SLC24A2: variants seen among roughly 807,000 people sequenced by gnomAD.
The protein encoded by SLC24A2 is solute carrier family 24 member 2.
SLC24A2 carries 36 observed loss-of-function variants against 62.0 expected under a neutral mutation model. That is an observed-to-expected ratio of 0.58 (90% confidence interval 0.44 to 0.77). The LOEUF (loss-of-function observed/expected upper bound fraction) is 0.77, where lower values mean the gene tolerates loss of function less well. SLC24A2 is among the 30% of genes least tolerant of loss of function. The probability of loss-of-function intolerance (pLI) is 0.00; values close to 1 mark genes in which losing one functional copy is unlikely to be tolerated. For missense variants in SLC24A2, 846 were observed against 817.9 expected (o/e 1.03, Z -0.42); for synonymous variants, 358 against 294.0 (o/e 1.22, Z -2.23).
chr9:19,668,360 T>G (rs1465712997), intron 2 of SLC24A2, among the ~76,000 whole-genome samples: 1 of 152,168 alleles, frequency 6.6e-6, no homozygotes, highest in Non-Finnish European at 1.5e-5. Context: ...TGGGTGAAAT[T>G]GCACAGCCCA....
the SLC24A2 span, among the ~76,000 whole-genome samples, chr9:19,970,833 C>T: frequency 6.6e-6 from 1 of 152,050 alleles, no homozygotes; most frequent in Non-Finnish European, 1.5e-5. Context: ...TTCAATAACA[C>T]CTTGGCTTGA....
chr9:20,289,297 C>T, the SLC24A2 span, among the ~76,000 whole-genome samples: 6 of 152,220 alleles, frequency 3.9e-5, no homozygotes, highest in African/African-American at 1.4e-4. Context: ...TTGCTTCTTG[C>T]ACTCTTTCAT....
At chr9:19,779,355 G>A (rs1193576514) in intron 2 of SLC24A2, among the ~76,000 whole-genome samples, 1 of 152,114 alleles carries the variant, frequency 6.6e-6, no homozygotes, top group Non-Finnish European at 1.5e-5. Flanking sequence ...CTTAAAAGTA[G>A]TAAAGGAAAA....
intron 8 of SLC24A2, among the ~76,000 whole-genome samples, chr9:19,545,219 A>C (rs535024541): frequency 6.6e-6 from 1 of 151,410 alleles, no homozygotes; most frequent in Non-Finnish European, 1.5e-5. Context: ...TGATTGATTC[A>C]GCTATTTATA....
chr9:20,116,594 G>T, the SLC24A2 span, among the ~76,000 whole-genome samples: 1 of 152,038 alleles, frequency 6.6e-6, no homozygotes, highest in Non-Finnish European at 1.5e-5. Context: ...CAATGCTTCT[G>T]TCTTTCAATT....
chr9:20,142,901 A>C, the SLC24A2 span, among the ~76,000 whole-genome samples: 1 of 152,274 alleles, frequency 6.6e-6, no homozygotes, highest in South Asian at 2.1e-4. Context: ...CGGCCTTTCC[A>C]TGTCTTATAC....
chr9:20,262,648 T>C, the SLC24A2 span, among the ~76,000 whole-genome samples: 2 of 152,226 alleles, frequency 1.3e-5, no homozygotes, highest in African/African-American at 4.8e-5. Flanking sequence ...TCATGAGCAT[T>C]ATCTCATTTC....
chr9:20,239,878 T>G, the SLC24A2 span, among the ~76,000 whole-genome samples: 1,405 of 50,714 alleles, frequency 0.028, 17 homozygotes, highest in African/African-American at 0.11. Context: ...GCCTTCTGGC[T>G]TTTTTTTTTT....
At chr9:19,616,206 TG>T (rs1817764062) in intron 4 of SLC24A2, among the ~76,000 whole-genome samples, 1 of 152,226 alleles carries the variant, frequency 6.6e-6, no homozygotes, top group Non-Finnish European at 1.5e-5. Flanking sequence ...AATCATATAT[TG>T]TGTTACTTTT....
the SLC24A2 span, among the ~76,000 whole-genome samples, chr9:19,804,592 T>A: frequency 3.3e-5 from 5 of 152,218 alleles, no homozygotes; most frequent in East Asian, 9.6e-4. Context: ...CATTTGCAAA[T>A]AGAGAGTTTA....
At chr9:19,678,871 G>C (rs1173830519) in intron 2 of SLC24A2, among the ~76,000 whole-genome samples, 1 of 152,168 alleles carries the variant, frequency 6.6e-6, no homozygotes, top group Non-Finnish European at 1.5e-5. Context: ...AAAATCAATT[G>C]TGTAAAATGT....
the SLC24A2 span, among the ~76,000 whole-genome samples, chr9:19,912,132 G>A: frequency 6.6e-6 from 1 of 151,990 alleles, no homozygotes; most frequent in Non-Finnish European, 1.5e-5. Flanking sequence ...GGTGGGGACC[G>A]AGGCCAGCAG....
intron 2 of SLC24A2, among the ~76,000 whole-genome samples, chr9:19,657,346 C>A (rs1295096962): frequency 6.6e-6 from 1 of 152,164 alleles, no homozygotes; most frequent in Non-Finnish European, 1.5e-5. Context: ...CAGATCTACT[C>A]ACAGTTCTCT....
the SLC24A2 span, among the ~76,000 whole-genome samples, chr9:19,895,158 G>A: frequency 1.6e-4 from 25 of 152,004 alleles, no homozygotes; most frequent in East Asian, 4.8e-3. Context: ...AGCACTAAAT[G>A]ACTTCATCAA....
chr9:20,185,836 T>C, the SLC24A2 span, among the ~76,000 whole-genome samples: 1 of 151,994 alleles, frequency 6.6e-6, no homozygotes, highest in Non-Finnish European at 1.5e-5. Context: ...AAAAGCTAGA[T>C]TTGATTGCAA....
chr9:20,042,034 G>A, the SLC24A2 span, among the ~76,000 whole-genome samples: 11 of 152,352 alleles, frequency 7.2e-5, no homozygotes, highest in African/African-American at 2.2e-4. Flanking sequence ...TGGGGAGCCT[G>A]TCATCTTGTG....
intron 7 of SLC24A2, among the ~76,000 whole-genome samples, chr9:19,567,108 TAAAA>T (rs199952015): frequency 3.3e-5 from 4 of 121,582 alleles, no homozygotes; most frequent in Admixed American, 8.2e-5. Context: ...TAAAGTATAA[TAAAA>T]AAAATATATA....
At chr9:19,758,050 C>A (rs1822200372) in intron 2 of SLC24A2, among the ~76,000 whole-genome samples, 2 of 152,062 alleles carry the variant, frequency 1.3e-5, no homozygotes, top group Admixed American at 1.3e-4. Flanking sequence ...GAACCATGAG[C>A]TAAATAAACT....
the SLC24A2 span, among the ~76,000 whole-genome samples, chr9:19,804,306 T>C: frequency 6.6e-6 from 1 of 152,166 alleles, no homozygotes. Context: ...CTTTCAAAAA[T>C]GTTTTGTACC....
Sources: allele counts gnomAD v4.1 joint callset (sites outside exome capture counted in the v4.1 genomes callset), GRCh38; gene constraint gnomAD v4.1.1; transcripts MANE v1.5; gene names NCBI Gene and HGNC (gene_info 2026-07-23, HGNC 2026-07-21).